CSMD1: variants seen among roughly 807,000 people sequenced by gnomAD.
CSMD1 encodes CUB and Sushi multiple domains 1.
In CSMD1, 213 loss-of-function variants were observed where a neutral mutation model predicts 417.5. The ratio of observed to expected loss-of-function variants is 0.51; its 90% CI spans 0.46 to 0.57. CSMD1 has a LOEUF of 0.57. Among genes scored for constraint, CSMD1 ranks in the 20% least tolerant of loss-of-function variants. The probability of loss-of-function intolerance (pLI) is 0.00; values close to 1 mark genes in which losing one functional copy is unlikely to be tolerated. For synonymous variants in CSMD1, 2,862 were observed against 1,736.8 expected, an observed-to-expected ratio of 1.65 and a Z score of -16.11; for missense variants, 6,923 against 4,529.7, an observed-to-expected ratio of 1.53 and a Z score of -15.17.
chr8:3,414,239 A>AAAAAAT (rs71199574), intron 12 of CSMD1, among the ~76,000 whole-genome samples: 1 of 135,634 alleles, frequency 7.4e-6, no homozygotes, highest in African/African-American at 2.8e-5. Flanking sequence ...AAAAAAAAAA[A>AAAAAAT]TGCTGTACAA....
At chr8:3,422,747 G>A (rs1813575715) in intron 12 of CSMD1, among the ~76,000 whole-genome samples, 1 of 152,156 alleles carries the variant, frequency 6.6e-6, no homozygotes, top group Non-Finnish European at 1.5e-5. Flanking sequence ...AACATAGACT[G>A]GGTAATGTAT....
At position 3,862,258 on chromosome 8, in the gene CSMD1, G is replaced by T. The variant is rs183416378; in HGVS notation, c.819-108216C>A. 6.6e-5 allele frequency among the ~76,000 whole-genome samples: 10 copies of T among 152,194 alleles called. No individual in the cohort carries two copies. The East Asian group carries it at 1.9e-3, about 29-fold the overall frequency. On this transcript the variant is annotated intron_variant, in intron 5 of 69. Transcript: ENST00000635120. ...ACCTCATACACAGCTTCCACTTAGG[G>T]GACTGTGATAACTTACCATTACCTC... is the stretch of plus-strand genomic sequence containing the variant.
chr8:3,894,196 T>G (rs1489124758), intron 5 of CSMD1, among the ~76,000 whole-genome samples: 1 of 152,206 alleles, frequency 6.6e-6, no homozygotes, highest in African/African-American at 2.4e-5. Context: ...TTGTTTGAAT[T>G]GTTCTAAACC....
At chr8:4,425,765 C>T (rs1374759918) in intron 2 of CSMD1, among the ~76,000 whole-genome samples, 3 of 152,260 alleles carry the variant, frequency 2.0e-5, no homozygotes, top group South Asian at 4.1e-4. Context: ...CAATAATCCA[C>T]ACAGGTGTCT....
intron 49 of CSMD1, among the ~76,000 whole-genome samples, chr8:3,081,622 A>G (rs770442447): frequency 7.9e-5 from 12 of 152,200 alleles, no homozygotes; most frequent in Non-Finnish European, 1.5e-4. Context: ...GATTTATTGC[A>G]GGATTTATAA....
At chr8:3,408,544 G>C (rs951091404) in intron 13 of CSMD1, among the ~76,000 whole-genome samples, 2 of 152,182 alleles carry the variant, frequency 1.3e-5, no homozygotes, top group African/African-American at 4.8e-5. Context: ...TCTGCCTTCA[G>C]AAGAGCAAAT....
chr8:3,223,198 A>C (rs533485058), intron 28 of CSMD1, among the ~76,000 whole-genome samples: 1 of 152,350 alleles, frequency 6.6e-6, no homozygotes, highest in East Asian at 1.9e-4. Context: ...TCCATCGTCT[A>C]GTTTAGCAAG....
chr8:4,747,785 T>TA lies in CSMD1; in HGVS notation c.86-110228dup, dbSNP rs888211393. Among the ~76,000 whole-genome samples the TA allele has an allele frequency of 4.0e-4, 61 of 152,106 alleles. 1 individual carries two copies. Among genetic ancestry groups the TA allele is most frequent in the Admixed American group, 6.6e-4 (10 of 15,266 alleles). ...ACTGTGTAAAGCCTGGGATAGAGGC[T>TA]AAAAAAAACATCGAAACCCAGCCAA... On this transcript the variant is annotated intron_variant, in intron 1 of 69. Coordinates refer to ENST00000635120, the MANE Select transcript of CSMD1 (RefSeq NM_033225.6).
intron 25 of CSMD1, among the ~76,000 whole-genome samples, chr8:3,305,458 C>T (rs1804758018): frequency 1.3e-5 from 2 of 150,886 alleles, no homozygotes; most frequent in African/African-American, 4.8e-5. Context: ...AGGGCTGGGC[C>T]CTCATGAAGG....
intron 1 of CSMD1, among the ~76,000 whole-genome samples, chr8:4,836,702 C>T (rs1445513236): frequency 1.3e-5 from 2 of 152,078 alleles, no homozygotes; most frequent in Non-Finnish European, 2.9e-5. Flanking sequence ...TTCCACCTTT[C>T]TATCATGGAG....
intron 49 of CSMD1, among the ~76,000 whole-genome samples, chr8:3,086,260 T>C (rs938233716): frequency 6.6e-6 from 1 of 152,230 alleles, no homozygotes; most frequent in African/African-American, 2.4e-5. Flanking sequence ...CTATGTTTAT[T>C]TTACATTAAA....
chr8:4,951,659 AT>A (rs1256076334), intron 1 of CSMD1, among the ~76,000 whole-genome samples: 5 of 151,686 alleles, frequency 3.3e-5, no homozygotes, highest in African/African-American at 1.2e-4. Flanking sequence ...TTTTATCTGG[AT>A]TTCCTACTTT....
At chr8:4,392,437 C>G (rs576075192) in intron 3 of CSMD1, among the ~76,000 whole-genome samples, 36 of 152,050 alleles carry the variant, frequency 2.4e-4, no homozygotes, top group Middle Eastern at 3.4e-3. Flanking sequence ...AGCCAAAGAA[C>G]GTAAACTTTT....
At chr8:3,545,751 G>A (rs1015727811) in intron 10 of CSMD1, among the ~76,000 whole-genome samples, 12 of 152,160 alleles carry the variant, frequency 7.9e-5, no homozygotes, top group African/African-American at 2.9e-4. Context: ...AAGGGCTACT[G>A]GAATCTCAAA....
intron 12 of CSMD1, among the ~76,000 whole-genome samples, chr8:3,466,522 GC>G: frequency 6.6e-6 from 1 of 150,426 alleles, no homozygotes; most frequent in Non-Finnish European, 1.5e-5. Flanking sequence ...CGATTCTTCT[GC>G]CCCAGCCTCC....
chr8:3,719,990 T>C (rs983805183), intron 6 of CSMD1, among the ~76,000 whole-genome samples: 2 of 152,190 alleles, frequency 1.3e-5, no homozygotes, highest in South Asian at 2.1e-4. Context: ...GTGGTGAAGA[T>C]TACATGACAT....
intron 1 of CSMD1, among the ~76,000 whole-genome samples, chr8:4,749,122 G>A (rs1229466692): frequency 1.3e-5 from 2 of 152,186 alleles, no homozygotes; most frequent in African/African-American, 2.4e-5. Flanking sequence ...TAATTTCACT[G>A]CCACATCTAA....
At chr8:3,790,529 G>A (rs1011122980) in intron 5 of CSMD1, among the ~76,000 whole-genome samples, 1 of 152,166 alleles carries the variant, frequency 6.6e-6, no homozygotes, top group Non-Finnish European at 1.5e-5. Context: ...CCGTGTGATG[G>A]TGATAATAAC....
chr8:3,774,476 G>C (rs986344944), intron 5 of CSMD1, among the ~76,000 whole-genome samples: 3 of 152,132 alleles, frequency 2.0e-5, no homozygotes, highest in Non-Finnish European at 2.9e-5. Context: ...CTGGCTCATA[G>C]GACAGAGAGA....
Sources: allele counts gnomAD v4.1 joint callset (sites outside exome capture counted in the v4.1 genomes callset), GRCh38; gene constraint gnomAD v4.1.1; transcripts MANE v1.5; gene names NCBI Gene and HGNC (gene_info 2026-07-23, HGNC 2026-07-21).